Variants in BLTP1 observed in about 807,000 individuals in gnomAD.
BLTP1 encodes fragile site-associated protein.
chr4:122,204,245 T>C, the BLTP1 span: 1 of 690,754 alleles, frequency 1.4e-6, no homozygotes, highest in Non-Finnish European at 1.8e-6. Flanking sequence ...GACAAATGCA[T>C]GTAAGACCTG....
chr4:122,245,235 C>T, the BLTP1 span: 2 of 1,110,742 alleles, frequency 1.8e-6, no homozygotes. Context: ...CAAGTTAAAT[C>T]AGAATATTTG....
At chr4:122,324,855 A>G in the BLTP1 span, among the ~76,000 whole-genome samples, 7 of 151,614 alleles carry the variant, frequency 4.6e-5, no homozygotes, top group Non-Finnish European at 8.9e-5. Flanking sequence ...TTATCCAAAG[A>G]AATTAAAAGG....
chr4:122,220,243 T>G, the BLTP1 span: 1 of 1,370,004 alleles, frequency 7.3e-7, no homozygotes, highest in Non-Finnish European at 1.0e-6. Context: ...CAAATTCTCT[T>G]AATCATGACA....
At chr4:122,221,047 A>G in the BLTP1 span, 1 of 976,732 alleles carries the variant, frequency 1.0e-6, no homozygotes, top group Non-Finnish European at 1.2e-6. Context: ...TGTGGCAACT[A>G]CCACCACTTT....
the BLTP1 span, chr4:122,182,972 G>A: frequency 2.0e-6 from 2 of 984,210 alleles, no homozygotes; most frequent in African/African-American, 3.5e-5. Context: ...GTGTATTCTG[G>A]TGAGGAGCAA....
the BLTP1 span, among the ~76,000 whole-genome samples, chr4:122,330,425 C>G: frequency 1.3e-5 from 2 of 151,632 alleles, no homozygotes; most frequent in Non-Finnish European, 2.9e-5. Flanking sequence ...GTCATGTTAC[C>G]AGGTATGAAG....
the BLTP1 span, chr4:122,258,726 A>G: frequency 5.1e-5 from 83 of 1,613,816 alleles, no homozygotes; most frequent in Non-Finnish European, 6.8e-5. Flanking sequence ...ACACAATGCT[A>G]TTAGAAGGAA....
At chr4:122,182,916 C>T in the BLTP1 span, 3 of 984,586 alleles carry the variant, frequency 3.0e-6, no homozygotes, top group Non-Finnish European at 3.6e-6. Flanking sequence ...TCAAAAACCA[C>T]CTCTTTCTTG....
the BLTP1 span, among the ~76,000 whole-genome samples, chr4:122,320,326 T>C: frequency 6.6e-6 from 1 of 152,142 alleles, no homozygotes; most frequent in South Asian, 2.1e-4. Flanking sequence ...TTTTAAAACA[T>C]TTTTTGTGGG....
chr4:122,318,944 C>T, the BLTP1 span, among the ~76,000 whole-genome samples: 1 of 152,078 alleles, frequency 6.6e-6, no homozygotes, highest in Non-Finnish European at 1.5e-5. Context: ...TCTTTTTCGT[C>T]TCTCCATTTT....
At chr4:122,187,203 A>G in the BLTP1 span, 3 of 979,106 alleles carry the variant, frequency 3.1e-6, no homozygotes, top group African/African-American at 1.8e-5. Context: ...TAGTTTTGTT[A>G]TAATAGCTTA....
chr4:122,220,885 A>G, the BLTP1 span, among the ~76,000 whole-genome samples: 1 of 152,188 alleles, frequency 6.6e-6, no homozygotes, highest in Non-Finnish European at 1.5e-5. Flanking sequence ...ATTCTTATTC[A>G]TCTAACATAA....
At chr4:122,211,504 C>CA in the BLTP1 span, among the ~76,000 whole-genome samples, 1 of 152,074 alleles carries the variant, frequency 6.6e-6, no homozygotes, top group East Asian at 1.9e-4. Context: ...TAAGTGAATC[C>CA]CTTAAAAATA....
chr4:122,266,121 G>T, the BLTP1 span, among the ~76,000 whole-genome samples: 1 of 152,206 alleles, frequency 6.6e-6, no homozygotes, highest in East Asian at 1.9e-4. Flanking sequence ...GAACCATGTG[G>T]CAGAGGATGA....
At chr4:122,188,431 A>G in the BLTP1 span, 1 of 163,622 alleles carries the variant, frequency 6.1e-6, no homozygotes, top group Non-Finnish European at 1.3e-5. Flanking sequence ...AGAAGATGTG[A>G]CTAAAGAGTA....
chr4:122,360,646 G>T, the BLTP1 span, among the ~76,000 whole-genome samples: 1 of 152,236 alleles, frequency 6.6e-6, no homozygotes, highest in East Asian at 1.9e-4. Context: ...TACTGACTTG[G>T]TGTGTTAATA....
chr4:122,349,363 T>A, the BLTP1 span: 1 of 1,573,016 alleles, frequency 6.4e-7, no homozygotes, highest in Non-Finnish European at 8.6e-7. The surrounding 1 kb of genome is among the most constrained non-coding windows in gnomAD (Gnocchi z 4.5). Context: ...AAGATATATA[T>A]ATCAAAAAAA....
chr4:122,339,183 C>T, the BLTP1 span: 1 of 1,604,946 alleles, frequency 6.2e-7, no homozygotes, highest in Non-Finnish European at 8.5e-7. Context: ...TTCCTAGAAA[C>T]CTTTTGCTGT....
the BLTP1 span, chr4:122,207,881 T>C: frequency 3.9e-5 from 38 of 984,700 alleles, no homozygotes; most frequent in South Asian, 1.6e-3. Flanking sequence ...AGTTCATTTC[T>C]GATCTCTGTG....
Sources: gnomAD v4.1 joint callset for allele counts (sites outside exome capture counted in the v4.1 genomes callset) on GRCh38, gnomAD v4.1.1 for gene constraint, Gnocchi (gnomAD v3.1) non-coding constraint, MANE v1.5 for transcripts, NCBI Gene and HGNC (gene_info 2026-07-23, HGNC 2026-07-21) for gene names.